Variants in JHY observed in about 807,000 individuals in gnomAD.
JHY encodes junctional cadherin complex regulator.
JHY carries 69 observed loss-of-function variants against 78.0 expected under a neutral mutation model. The ratio of observed to expected loss-of-function variants is 0.88; its 90% CI spans 0.73 to 1.08. The LOEUF (loss-of-function observed/expected upper bound fraction) is 1.08, where lower values mean the gene tolerates loss of function less well. Among genes scored for constraint, JHY ranks in the 50% least tolerant of loss-of-function variants. The probability of loss-of-function intolerance (pLI) is 0.00; values close to 1 mark genes in which losing one functional copy is unlikely to be tolerated. For missense variants in JHY, 944 were observed against 927.8 expected (o/e 1.02, Z -0.23); for synonymous variants, 368 against 342.6 (o/e 1.07, Z -0.82).
intron 8 of JHY, chr11:122,958,880 T>G (rs76737848): frequency 0.019 from 18,717 of 985,238 alleles, 282 homozygotes; most frequent in East Asian, 0.11. Flanking sequence ...CTTCTTTGGA[T>G]AGAAAGGTCT....
chr11:122,905,167 A>T (rs758165027), intron 3 of JHY: 85 of 1,608,914 alleles, frequency 5.3e-5, no homozygotes, highest in Non-Finnish European at 7.1e-5. Context: ...TCTCTTCCTC[A>T]TCAGGTCATT....
intron 2 of JHY, among the ~76,000 whole-genome samples, chr11:122,891,656 G>T (rs1862616350): frequency 6.6e-6 from 1 of 151,262 alleles, no homozygotes; most frequent in Non-Finnish European, 1.5e-5. Context: ...TATATAATTA[G>T]CTACCATTTG....
chr11:122,942,911 G>A (rs1228133580), intron 5 of JHY, among the ~76,000 whole-genome samples: 1 of 152,036 alleles, frequency 6.6e-6, no homozygotes, highest in Non-Finnish European at 1.5e-5. Flanking sequence ...GTCTCACCAT[G>A]TTGCCCAGGC....
chr11:122,920,151 G>A (rs767086672), intron 3 of JHY, among the ~76,000 whole-genome samples: 3 of 152,180 alleles, frequency 2.0e-5, no homozygotes, highest in Non-Finnish European at 2.9e-5. Flanking sequence ...ACACAGCAAG[G>A]TATATTAGAA....
chr11:122,940,851 A>C (rs879845353), intron 5 of JHY, among the ~76,000 whole-genome samples: 27 of 139,134 alleles, frequency 1.9e-4, no homozygotes, highest in Non-Finnish European at 3.1e-4. Context: ...TTCCTTCTTT[A>C]TCTCTCTCTC....
At chr11:122,911,054 C>T (rs1011413537) in intron 3 of JHY, among the ~76,000 whole-genome samples, 2 of 152,208 alleles carry the variant, frequency 1.3e-5, no homozygotes, top group Admixed American at 1.3e-4. Flanking sequence ...GATTTGTTCA[C>T]TAGCCTAAAG....
intron 2 of JHY, among the ~76,000 whole-genome samples, chr11:122,899,465 C>G (rs569194392): frequency 6.6e-6 from 1 of 152,212 alleles, no homozygotes; most frequent in African/African-American, 2.4e-5. Context: ...ATGCAAGAAG[C>G]CTTTACATGT....
At chr11:122,889,851 C>T (rs1414095351) in intron 2 of JHY, among the ~76,000 whole-genome samples, 5 of 152,088 alleles carry the variant, frequency 3.3e-5, no homozygotes, top group South Asian at 2.1e-4. Flanking sequence ...CTGCGCCTCC[C>T]GGGTTCAAAT....
chr11:122,908,972 C>T (rs12576571), intron 3 of JHY, among the ~76,000 whole-genome samples: 18,174 of 152,202 alleles, frequency 0.12, 1,204 homozygotes, highest in South Asian at 0.22. Context: ...AATTCACAGA[C>T]TGTTCCTCTC....
chr11:122,909,976 T>G (rs1159941894), intron 3 of JHY, among the ~76,000 whole-genome samples: 1 of 152,162 alleles, frequency 6.6e-6, no homozygotes, highest in Non-Finnish European at 1.5e-5. Context: ...TGTACAAAAT[T>G]GTTCATTTCA....
rs1864263069 is a variant in JHY, at chr11:122,959,448, A to C, written c.*3A>C. The C allele has an allele frequency of 1.9e-6, 3 of 1,613,654 alleles. No individual in the cohort carries two copies. The highest frequency in any genetic ancestry group is 2.5e-6 in the Non-Finnish European group (3 of 1,179,768). On this transcript the variant is annotated 3_prime_UTR_variant, in exon 9 of 9. Coordinates refer to ENST00000227349, the MANE Select transcript of JHY (RefSeq NM_024806.4). ...TCAAAGTCCTTCACATCGTATAGAC[A>C]ACATTTGATAGGAAGGAGACCAAAA... is the stretch of plus-strand genomic sequence containing the variant.
chr11:122,934,309 G>A (rs1035849108), intron 4 of JHY, 111 bp from the exon 5 acceptor site: 27 of 560,974 alleles, frequency 4.8e-5, no homozygotes, highest in African/African-American at 1.2e-4. Context: ...GTGAGACTCC[G>A]TCTCAAATAA....
chr11:122,909,814 A>C lies in JHY; in HGVS notation c.864+5370A>C, dbSNP rs2135317449. ...ATTAAATAAATAAATAAATAAATGT[A>C]TAGAGCGTGCTAAGATCAGTGACTG... On this transcript the variant is annotated intron_variant, in intron 3 of 8. Coordinates refer to ENST00000227349, the MANE Select transcript of JHY (RefSeq NM_024806.4). Among the ~76,000 whole-genome samples the C allele has an allele frequency of 2.6e-5, 4 of 152,230 alleles. No individual in the cohort carries two copies. In the Middle Eastern group the frequency reaches 0.014, roughly 518 times the overall value.
chr11:122,938,969 A>G (rs1035264712), intron 5 of JHY, among the ~76,000 whole-genome samples: 22 of 148,728 alleles, frequency 1.5e-4, no homozygotes, highest in African/African-American at 5.2e-4. Flanking sequence ...GATGATCTGG[A>G]GATCCGCCTG....
chr11:122,927,402 C>T (rs1309507840), intron 4 of JHY, among the ~76,000 whole-genome samples: 2 of 152,156 alleles, frequency 1.3e-5, no homozygotes, highest in African/African-American at 2.4e-5. Context: ...ATGACAATAA[C>T]CACAAATGGC....
chr11:122,950,231 AG>A (rs1864060275), intron 6 of JHY, among the ~76,000 whole-genome samples: 1 of 152,164 alleles, frequency 6.6e-6, no homozygotes, highest in South Asian at 2.1e-4. Context: ...TGTTTTCAAG[AG>A]TTTTGTGAAT....
chr11:122,959,238 A>G lies in JHY; in HGVS notation c.2140-10A>G. 3 of 1,601,458 alleles carry G rather than the reference A, an allele frequency of 1.9e-6. No individual in the cohort carries two copies. Among genetic ancestry groups the G allele is most frequent in the Non-Finnish European group, 2.6e-6 (3 of 1,175,914 alleles). On this transcript the variant is annotated splice_polypyrimidine_tract_variant and intron_variant, in intron 8 of 8. Coordinates refer to ENST00000227349, the MANE Select transcript of JHY (RefSeq NM_024806.4). Reference sequence around the variant, plus strand: ...CCATTTCAAATAAAATTTCATCTTTATGCGTTTAGGCTTTGGAATACGCTA... The same window carrying G: ...CCATTTCAAATAAAATTTCATCTTTGTGCGTTTAGGCTTTGGAATACGCTA...
Position 122,886,005 on chromosome 11 carries a change from A to G in JHY, c.156A>G (p.Gln52=), listed in dbSNP as rs745723289. Residue 52 remains glutamine (Q), a synonymous_variant, in exon 2 of 9, where the codon CAA becomes CAG. Coordinates refer to ENST00000227349, the MANE Select transcript of JHY (RefSeq NM_024806.4). The part of the protein sequence containing the change: ...SLESDSESLT[Q]EIMCHSEFDD... ...AATCTGATTCAGAAAGCCTCACGCA[A>G]GAGATTATGTGCCATTCTGAGTTTG... is the stretch of plus-strand genomic sequence containing the variant. 1 of 1,614,206 alleles carries G rather than the reference A, an allele frequency of 6.2e-7. No individual in the cohort carries two copies. Among genetic ancestry groups the G allele is most frequent in the South Asian group, 1.1e-5 (1 of 91,080 alleles).
At chr11:122,910,981 A>T (rs1399518720) in intron 3 of JHY, among the ~76,000 whole-genome samples, 1 of 152,204 alleles carries the variant, frequency 6.6e-6, no homozygotes, top group Non-Finnish European at 1.5e-5. Flanking sequence ...ACTAGAGGGC[A>T]CCTAAGTATC....
Sources: gnomAD v4.1 joint callset for allele counts (sites outside exome capture counted in the v4.1 genomes callset) on GRCh38, gnomAD v4.1.1 for gene constraint, MANE v1.5 for transcripts, NCBI Gene and HGNC (gene_info 2026-07-23, HGNC 2026-07-21) for gene names.